OBSL1: variants seen among roughly 807,000 people sequenced by gnomAD.
OBSL1 encodes the protein obscurin like cytoskeletal adaptor 1.
OBSL1 carries 160 observed loss-of-function variants against 172.0 expected under a neutral mutation model. The ratio of observed to expected loss-of-function variants is 0.93; its 90% CI spans 0.82 to 1.06. The LOEUF is 1.06. Among genes scored for constraint, OBSL1 ranks in the 50% least tolerant of loss-of-function variants. The probability of loss-of-function intolerance (pLI) is 0.00; values close to 1 mark genes in which losing one functional copy is unlikely to be tolerated. For missense variants in OBSL1, 2,681 were observed against 2,715.4 expected (o/e 0.99, Z 0.28); for synonymous variants, 1,200 against 1,196.3 (o/e 1.00, Z -0.06).
intron 15 of OBSL1, 79 bp downstream of exon 15, chr2:219,554,395 A>G (rs955692122): frequency 2.4e-5 from 37 of 1,517,932 alleles, no homozygotes; most frequent in African/African-American, 4.1e-5. Context: ...GGGTCACACG[A>G]GTTGGGGGTC....
downstream of OBSL1, chr2:219,549,699 A>G (rs760212798): frequency 1.2e-6 from 2 of 1,611,922 alleles, no homozygotes; most frequent in East Asian, 2.2e-5. Flanking sequence ...ACTCACACCT[A>G]TGTTTGCTCC....
intron 6 of OBSL1, among the ~76,000 whole-genome samples, chr2:219,564,934 G>A (rs1333209324): frequency 1.3e-5 from 2 of 152,188 alleles, no homozygotes; most frequent in African/African-American, 4.8e-5. Flanking sequence ...GGGCGTGGTG[G>A]CGCGCACCTG....
At chr2:219,561,524 C>T (rs1696466476) in intron 8 of OBSL1, among the ~76,000 whole-genome samples, 1 of 152,164 alleles carries the variant, frequency 6.6e-6, no homozygotes, top group Non-Finnish European at 1.5e-5. Context: ...CCCTCAACAA[C>T]CCATGCTCTA....
At chr2:219,547,440 T>C, downstream of OBSL1, 2 of 1,313,888 alleles carry the variant, frequency 1.5e-6, no homozygotes, top group East Asian at 2.7e-5. Context: ...CCTTGACCCC[T>C]TGGACCTGCT....
At chr2:219,567,164 G>C (rs374886476) in intron 4 of OBSL1, 38 bp from the exon 5 acceptor site, 1 of 1,600,188 alleles carries the variant, frequency 6.2e-7, no homozygotes, top group Non-Finnish European at 8.5e-7. Flanking sequence ...AGAACTAGAA[G>C]GTGTGGCAGA....
In OBSL1 at chr2:219,565,267, C is replaced by G. The variant is rs563093889; in HGVS notation, c.2382G>C (p.Ser794=). The part of the protein sequence containing the change: ...GEFECRTEGV[S]AFFGVTVQDP... ...CTTGGACAGTGACGCCGAAGAAGGC[C>G]GAGACCCCTTCTGTCCTGCACTCAA... The change falls in exon 6 of 21, where the codon TCG becomes TCC. Residue 794 remains serine (S), a synonymous_variant. Coordinates refer to ENST00000404537, the MANE Select transcript of OBSL1 (RefSeq NM_015311.3). 1 of 1,612,196 alleles carries G rather than the reference C, an allele frequency of 6.2e-7. No individual in the cohort carries two copies. Among genetic ancestry groups the G allele is most frequent in the Non-Finnish European group, 8.5e-7 (1 of 1,178,548 alleles).
In OBSL1 at chr2:219,562,624, C is replaced by T. The variant is rs772500074; in HGVS notation, c.2731G>A (p.Val911Met). 3.7e-5 allele frequency: 59 copies of T among 1,591,384 alleles called. No individual in the cohort carries two copies. The highest frequency in any genetic ancestry group is 1.7e-4 in the Middle Eastern group (1 of 6,058). The change falls in exon 8 of 21, where the codon GTG becomes ATG. Residue 911 changes from valine to methionine, a missense_variant. By Grantham distance (21) the Val-to-Met change is conservative (BLOSUM62 1). This residue lies in a region of OBSL1 where 1,765 missense variants were observed against 1,748.3 expected (regional missense o/e 1.01). Transcript: ENST00000404537. ...GTCAGCACCACACGCTCCAGGCGCA[C>T]GGCTGCCACATACACCTTGCCGCTG... Reference protein sequence around the residue: ...YPSGKVYVAAVRLERVVLTCE... With the variant: ...YPSGKVYVAAMRLERVVLTCE...
At chr2:219,569,950 C>G (rs1447571756) in intron 1 of OBSL1, among the ~76,000 whole-genome samples, 1 of 152,202 alleles carries the variant, frequency 6.6e-6, no homozygotes, top group Non-Finnish European at 1.5e-5. Context: ...TAGGGCCCTC[C>G]GGATTTGTAC....
rs976181475 is a variant in OBSL1 at position 219,568,441 on chromosome 2, A to G, written c.1013-117T>C. 8.7e-6 allele frequency: 9 copies of G among 1,035,774 alleles called. No homozygotes were observed. In the African/African-American group the frequency reaches 1.1e-4, roughly 13 times the overall value. The allele number at this position is 1,035,774 out of a possible 1,614,324, so 64.2% of individuals were successfully genotyped here. ...TGCTCTTCATGCAGAGCCAGCGGGC[A>G]CTGTGGAATCACAGAAAACTACCAG... is the stretch of plus-strand genomic sequence containing the variant. On this transcript the variant is annotated intron_variant, in intron 1 of 20. Transcript: ENST00000404537. The surrounding 1 kb of genome is among the most constrained non-coding windows in gnomAD (Gnocchi z 4.1).
At chr2:219,552,278 G>T in intron 18 of OBSL1, 62 bp from the exon 19 acceptor site, 2 of 1,462,118 alleles carry the variant, frequency 1.4e-6, no homozygotes, top group East Asian at 4.9e-5. Flanking sequence ...GGGGACGAAG[G>T]TGGGGGCCCA....
Position 219,556,214 on chromosome 2 carries a change from G to A in OBSL1, c.4415C>T (p.Thr1472Ile). ...GGCCCCCGCTGCACCCACTCGGCCTGTCTCCACTTCGAGACACACATCCTG... is the reference window on the plus strand; with the variant it reads ...GGCCCCCGCTGCACCCACTCGGCCTATCTCCACTTCGAGACACACATCCTG... Reference protein sequence around the residue: ...EGQDVCLEVETGRVGAAGAVR... With the variant: ...EGQDVCLEVEIGRVGAAGAVR... The change falls in exon 14 of 21, where the codon ACA (threonine) becomes ATA (isoleucine). Residue 1472 changes from threonine (T) to isoleucine (I), a missense_variant. Physicochemically the swap from Thr to Ile is moderately conservative, Grantham distance 89 (BLOSUM62 -1). This residue lies in a region of OBSL1 where 1,765 missense variants were observed against 1,748.3 expected (regional missense o/e 1.01). Transcript: ENST00000404537. 6.2e-7 allele frequency: 1 copy of A among 1,610,580 alleles called. No homozygotes were observed. Among genetic ancestry groups the A allele is most frequent in the Non-Finnish European group, 8.5e-7 (1 of 1,177,978 alleles).
chr2:219,551,587 T>C lies in OBSL1; in HGVS notation c.5625A>G (p.Gln1875=), dbSNP rs1286077269. The change falls in exon 20 of 21, where the codon CAA becomes CAG. Residue 1875 remains glutamine, a synonymous_variant. Transcript: ENST00000404537. ...GGCCGGCCTGGCAGCAGTAAGTGCC[T>C]TGGTCCTCAGGTCGAACGTCATGGA... The part of the protein sequence containing the change: ...LVIHDVRPED[Q]GTYCCQAGQD... The C allele has an allele frequency of 6.2e-7, 1 of 1,608,538 alleles. No homozygotes were observed.
Position 219,563,512 on chromosome 2 carries a change from G to A in OBSL1, c.2523C>T (p.Tyr841=). 6.2e-7 allele frequency: 1 copy of A among 1,613,846 alleles called. No individual in the cohort carries two copies. The highest frequency in any genetic ancestry group is 8.5e-7 in the Non-Finnish European group (1 of 1,179,864). Residue 841 remains tyrosine (Y), a synonymous_variant, in exon 7 of 21, where the codon TAC becomes TAT. Coordinates refer to ENST00000404537, the MANE Select transcript of OBSL1 (RefSeq NM_015311.3). ...TCTCCTCCACCTCCTGCCCGTCCTT[G>A]TACCAACGCACAGGGGCGTCCTCTC... ...VDREDAPVRW[Y]KDGQEVEESD...
chr2:219,563,023 G>C (rs1164657066), intron 7 of OBSL1: 1 of 472,614 alleles, frequency 2.1e-6, no homozygotes, highest in Admixed American at 3.5e-5. Context: ...CCTCCTCCAA[G>C]ATGTTTTTGC....
chr2:219,559,357 T>C lies in OBSL1; in HGVS notation c.3094A>G (p.Ser1032Gly). The C allele has an allele frequency of 6.2e-7, 1 of 1,613,700 alleles. No homozygotes were observed. Among genetic ancestry groups the C allele is most frequent in the Non-Finnish European group, 8.5e-7 (1 of 1,179,820 alleles). The change falls in exon 9 of 21, where the codon AGC (serine) becomes GGC (glycine). Residue 1032 changes from serine (S) to glycine (G), a missense_variant. Ser to Gly is a moderately conservative substitution (Grantham distance 56, BLOSUM62 0). Transcript: ENST00000404537. ...WYKDGLEVEE[S>G]EALVLERDGP... ...TCCCTCTCCAGCACCAGGGCCTCGC[T>C]CTCCTCCACTTCCAGCCCATCCTTG...
Position 219,565,422 on chromosome 2 carries a change from C to T in OBSL1, c.2227G>A (p.Val743Met), listed in dbSNP as rs927847085. 5.0e-6 allele frequency: 8 copies of T among 1,613,914 alleles called. No homozygotes were observed. The highest frequency in any genetic ancestry group is 1.7e-5 in the Admixed American group (1 of 60,024). ...TTGTACCAGGTTGCCGGGAAGTCCA[C>T]CCTTGAGAGCTCACAAGTCAGCACC... ...RVVLTCELSR[V>M]DFPATWYKDG... Residue 743 changes from valine (V) to methionine (M), a missense_variant, in exon 6 of 21, where the codon GTG becomes ATG. Transcript: ENST00000404537.
At chr2:219,548,367 T>C (rs562594782), downstream of OBSL1, among the ~76,000 whole-genome samples, 4 of 152,300 alleles carry the variant, frequency 2.6e-5, no homozygotes, top group South Asian at 8.3e-4. Context: ...AGGAGACAGA[T>C]AACAGAGATG....
downstream of OBSL1, chr2:219,547,785 C>A: frequency 6.3e-7 from 1 of 1,593,054 alleles, no homozygotes; most frequent in Non-Finnish European, 8.5e-7. Flanking sequence ...GTGTGGGGTC[C>A]ACTGGGGCTG....
chr2:219,554,546 C>T lies in OBSL1; in HGVS notation c.4804G>A (p.Gly1602Ser), dbSNP rs780854045. Residue 1602 changes from glycine to serine, a missense_variant, in exon 15 of 21, where the codon GGC becomes AGC. Gly to Ser is a moderately conservative substitution (Grantham distance 56). Transcript: ENST00000404537. ...HRHRLVLNGL[G>S]LADSGCVSFT... ...GAGACACAGCCTGAGTCGGCCAGGC[C>T]CAGGCCATTGAGTACCAGTCGGTGA... The T allele has an allele frequency of 3.1e-6, 5 of 1,613,478 alleles. No homozygotes were observed. In the South Asian group the frequency reaches 5.5e-5, roughly 18 times the overall value.
Sources: allele counts gnomAD v4.1 joint callset (sites outside exome capture counted in the v4.1 genomes callset), GRCh38; gene constraint gnomAD v4.1.1; regional missense constraint gnomAD v4.1.1; non-coding constraint Gnocchi (gnomAD v3.1); transcripts MANE v1.5; gene names NCBI Gene and HGNC (gene_info 2026-07-23, HGNC 2026-07-21).